Variants in JAKMIP2 observed in about 807,000 individuals in gnomAD.
The protein encoded by JAKMIP2 is janus kinase and microtubule interacting protein 2.
JAKMIP2 carries 25 observed loss-of-function variants against 115.0 expected under a neutral mutation model. That is an observed-to-expected ratio of 0.22 (90% CI 0.16 to 0.30). The LOEUF is 0.30. JAKMIP2 is among the 10% of genes least tolerant of loss of function. The pLI, the probability that JAKMIP2 is intolerant of heterozygous loss-of-function variation, is 1.00. For missense variants in JAKMIP2, 642 were observed against 957.6 expected (o/e 0.67, Z 4.35); for synonymous variants, 334 against 343.6 (o/e 0.97, Z 0.31).
rs181928831 is a variant in JAKMIP2, at chr5:147,601,820, G to T, written c.2413-9C>A. 118 of 1,185,724 alleles carry T rather than the reference G, an allele frequency of 1.0e-4. No individual in the cohort carries two copies. The highest frequency in any genetic ancestry group is 1.7e-4 in the Admixed American group (8 of 46,216). The allele number at this position is 1,185,724 out of a possible 1,614,324, so 73.5% of individuals were successfully genotyped here. On this transcript the variant is annotated splice_polypyrimidine_tract_variant and intron_variant, in intron 20 of 21. Transcript: ENST00000616793. ...AAGAATAGAAACAGAAACTGCAGAA[G>T]AAAAAGAAGAAGATTATGTAAATCT...
At chr5:147,617,195 A>G (rs899259822) in intron 19 of JAKMIP2, among the ~76,000 whole-genome samples, 8 of 152,186 alleles carry the variant, frequency 5.3e-5, no homozygotes, top group African/African-American at 1.9e-4. Context: ...TGAATCACAT[A>G]AGTCATGGAT....
At chr5:147,718,598 T>G (rs918415954) in intron 1 of JAKMIP2, among the ~76,000 whole-genome samples, 5 of 151,434 alleles carry the variant, frequency 3.3e-5, no homozygotes, top group African/African-American at 9.7e-5. Flanking sequence ...GTCGAGGAAT[T>G]TATCCATTTC....
Position 147,742,155 on chromosome 5 carries a change from A to ATATATATATATATATATATTT in JAKMIP2, c.-149+40300_-149+40301insAAATATATATATATATATATA. The stretch of plus-strand genomic sequence containing the variant: ...TGTGGATCATTATATATATATATAT[A>ATATATATATATATATATATTT]TTTTTTTTACTATTGTATTGTATCT... On this transcript the variant is annotated intron_variant, in intron 1 of 21. Transcript: ENST00000616793. 1.4e-3 allele frequency among the ~76,000 whole-genome samples: 147 copies of ATATATATATATATATATATTT among 108,870 alleles called. 10 individuals are homozygous for ATATATATATATATATATATTT. The highest frequency in any genetic ancestry group is 5.1e-3 in the African/African-American group (134 of 26,424). 71.4% of individuals were successfully genotyped at this position (108,870 alleles called of 152,430 possible).
intron 1 of JAKMIP2, among the ~76,000 whole-genome samples, chr5:147,711,229 G>C (rs1309323648): frequency 6.6e-6 from 1 of 152,182 alleles, no homozygotes; most frequent in African/African-American, 2.4e-5. Flanking sequence ...GAGCCTTAAA[G>C]TCATAATGAG....
intron 20 of JAKMIP2, among the ~76,000 whole-genome samples, chr5:147,609,550 A>G (rs1756204729): frequency 6.6e-6 from 1 of 152,160 alleles, no homozygotes; most frequent in Non-Finnish European, 1.5e-5. Context: ...ATCCACTGTT[A>G]GTCTGATGGG....
intron 2 of JAKMIP2, among the ~76,000 whole-genome samples, chr5:147,669,840 A>G (rs967613728): frequency 2.0e-5 from 3 of 152,172 alleles, no homozygotes; most frequent in African/African-American, 7.2e-5. Context: ...ACCGAATTAC[A>G]AGTCCTGGTT....
intron 2 of JAKMIP2, among the ~76,000 whole-genome samples, chr5:147,664,337 A>G (rs1295561307): frequency 6.6e-6 from 1 of 152,100 alleles, no homozygotes; most frequent in Non-Finnish European, 1.5e-5. Flanking sequence ...TGTGGAATAA[A>G]ATCTCAACAG....
At chr5:147,767,188 G>A (rs781241961) in intron 1 of JAKMIP2, among the ~76,000 whole-genome samples, 27 of 152,096 alleles carry the variant, frequency 1.8e-4, no homozygotes, top group East Asian at 1.9e-4. Context: ...GTGTGCACAC[G>A]CGTGCACGCA....
At chr5:147,714,296 G>A (rs1186974293) in intron 1 of JAKMIP2, among the ~76,000 whole-genome samples, 1 of 151,898 alleles carries the variant, frequency 6.6e-6, no homozygotes, top group African/African-American at 2.4e-5. Flanking sequence ...AGGAAATTTG[G>A]GAAAGAACAA....
At chr5:147,650,878 T>C (rs550324893) in intron 3 of JAKMIP2, among the ~76,000 whole-genome samples, 169 of 152,334 alleles carry the variant, frequency 1.1e-3, no homozygotes, top group African/African-American at 3.9e-3. Flanking sequence ...TTAATAAAGA[T>C]GAACATTAAA....
At chr5:147,705,534 C>G (rs1373505567) in intron 1 of JAKMIP2, among the ~76,000 whole-genome samples, 1 of 151,966 alleles carries the variant, frequency 6.6e-6, no homozygotes, top group African/African-American at 2.4e-5. Context: ...TACACCACTG[C>G]ACTCCAGCCT....
At chr5:147,779,162 G>A (rs79201840) in intron 1 of JAKMIP2, among the ~76,000 whole-genome samples, 335 of 152,152 alleles carry the variant, frequency 2.2e-3, no homozygotes, top group African/African-American at 6.9e-3. Flanking sequence ...ATCCTGAAGC[G>A]GACTTGTAGC....
At chr5:147,782,340 T>TC (rs990257517) in intron 1 of JAKMIP2, 116 bp downstream of exon 1, 10 of 1,010,878 alleles carry the variant, frequency 9.9e-6, no homozygotes, top group Admixed American at 8.0e-5. Flanking sequence ...TCTCCACATC[T>TC]CCCCCTTCTA....
chr5:147,650,595 A>G, intron 3 of JAKMIP2, 48 bp from the exon 4 acceptor site: 3 of 1,420,090 alleles, frequency 2.1e-6, no homozygotes, highest in Non-Finnish European at 3.0e-6. Context: ...TGCTGTAAAG[A>G]AATACATTTT....
At chr5:147,702,575 AGAAG>A (rs1443407157) in intron 1 of JAKMIP2, among the ~76,000 whole-genome samples, 2,195 of 108,072 alleles carry the variant, frequency 0.02, 30 homozygotes, top group East Asian at 0.041. Context: ...AAAGAAAGAA[AGAAG>A]GAAAGAAAGA....
chr5:147,598,061 C>T lies in JAKMIP2; in HGVS notation c.*20+3680G>A, dbSNP rs143465743. 5.4e-3 allele frequency among the ~76,000 whole-genome samples: 821 copies of T among 151,744 alleles called. 10 individuals are homozygous for T. Among genetic ancestry groups the T allele is most frequent in the African/African-American group, 0.019 (788 of 41,322 alleles). ...TCGCCCAGGCTGGAATGCAATGGTG[C>T]GATCTCAGCTCACTGCAACCTCCAC... On this transcript the variant is annotated intron_variant, in intron 21 of 21. Coordinates refer to ENST00000616793, the MANE Select transcript of JAKMIP2 (RefSeq NM_001270941.2).
rs1398734214 is a variant in JAKMIP2 at position 147,644,874 on chromosome 5, G to A, written c.1059C>T (p.Ala353=). The change falls in exon 6 of 22, where the codon GCC becomes GCT. Residue 353 remains alanine (A), a synonymous_variant. Transcript: ENST00000616793. ...SLQRMEEKLK[A]VTKENSEMRE... is the part of the protein sequence containing the mutation. ...CCATTTCTGAATTTTCCTTGGTAACGGCTTTTAGTTTTTCTTCCATGCGCT... is the reference window on the plus strand; with the variant it reads ...CCATTTCTGAATTTTCCTTGGTAACAGCTTTTAGTTTTTCTTCCATGCGCT... 2.5e-6 allele frequency: 4 copies of A among 1,613,396 alleles called. No individual in the cohort carries two copies. Among genetic ancestry groups the A allele is most frequent in the Admixed American group, 1.7e-5 (1 of 59,890 alleles).
At chr5:147,636,800 A>C (rs1239361815) in intron 11 of JAKMIP2, among the ~76,000 whole-genome samples, 165 bp downstream of exon 11, 4 of 152,096 alleles carry the variant, frequency 2.6e-5, no homozygotes, top group Admixed American at 6.5e-5. Flanking sequence ...TGGCCAGAAA[A>C]ACACCAGAGA....
intron 1 of JAKMIP2, among the ~76,000 whole-genome samples, chr5:147,734,550 T>C (rs1456739760): frequency 6.6e-6 from 1 of 151,540 alleles, no homozygotes; most frequent in African/African-American, 2.4e-5. Flanking sequence ...TACCTAATGT[T>C]GATGACGGGT....
Sources: allele counts gnomAD v4.1 joint callset (sites outside exome capture counted in the v4.1 genomes callset), GRCh38; gene constraint gnomAD v4.1.1; transcripts MANE v1.5; gene names NCBI Gene and HGNC (gene_info 2026-07-23, HGNC 2026-07-21).